Variants in CHD7 observed in about 807,000 individuals in gnomAD.
CHD7 encodes the protein chromodomain helicase DNA binding protein 7, also known as ATP-dependent chromatin remodeler CHD7.
A neutral mutation model predicts 307.3 loss-of-function variants in CHD7; 24 were observed. The observed-to-expected ratio is 0.08, with a 90% CI of 0.06 to 0.11. CHD7 has a LOEUF of 0.11. Among genes scored for constraint, CHD7 ranks in the 10% least tolerant of loss-of-function variants. CHD7 has a pLI of 1.00. For synonymous variants in CHD7, 1,363 were observed against 1,349.9 expected, an observed-to-expected ratio of 1.01 and a Z score of -0.21; for missense variants, 3,106 against 3,727.1, an observed-to-expected ratio of 0.83 and a Z score of 4.34.
chr8:60,722,356 T>A (rs1807951006), intron 1 of CHD7, among the ~76,000 whole-genome samples: 1 of 152,236 alleles, frequency 6.6e-6, no homozygotes, highest in Non-Finnish European at 1.5e-5. Context: ...GTATTGTAGT[T>A]GAAAGGTCTT....
chr8:60,751,852 A>T (rs1043107228), intron 2 of CHD7, among the ~76,000 whole-genome samples: 1 of 152,200 alleles, frequency 6.6e-6, no homozygotes, highest in Non-Finnish European at 1.5e-5. Context: ...CGTTGCATTT[A>T]AAAAAGTCAA....
intron 35 of CHD7, 140 bp downstream of exon 35, chr8:60,861,265 T>TA: frequency 1.5e-6 from 1 of 649,996 alleles, no homozygotes; most frequent in Non-Finnish European, 2.6e-6. Context: ...TCCCAGGTCT[T>TA]TGTTGTTGAA....
At chr8:60,775,915 G>A (rs1000718555) in intron 2 of CHD7, among the ~76,000 whole-genome samples, 34 of 148,184 alleles carry the variant, frequency 2.3e-4, no homozygotes, top group African/African-American at 8.4e-4. Flanking sequence ...ATACCACCAC[G>A]CCCGGCTAAT....
chr8:60,834,163 C>T (rs1175521183), intron 15 of CHD7, among the ~76,000 whole-genome samples: 1 of 152,044 alleles, frequency 6.6e-6, no homozygotes, highest in African/African-American at 2.4e-5. Context: ...GCAAATTTGA[C>T]TGAATTATTT....
chr8:60,764,728 AC>A (rs911542689), intron 2 of CHD7, among the ~76,000 whole-genome samples: 1 of 152,170 alleles, frequency 6.6e-6, no homozygotes, highest in African/African-American at 2.4e-5. Context: ...AATCCCAGTT[AC>A]CATGTAGTGA....
chr8:60,832,169 GC>G (rs899191292), intron 15 of CHD7, among the ~76,000 whole-genome samples: 2 of 152,050 alleles, frequency 1.3e-5, no homozygotes, highest in Non-Finnish European at 2.9e-5. Flanking sequence ...CTACAGGCAT[GC>G]GCCACAACGC....
chr8:60,779,385 A>G (rs1811098014), intron 2 of CHD7, among the ~76,000 whole-genome samples: 1 of 152,208 alleles, frequency 6.6e-6, no homozygotes, highest in Non-Finnish European at 1.5e-5. Context: ...GAAGAGGTGG[A>G]CAGAATCAGA....
intron 8 of CHD7, among the ~76,000 whole-genome samples, chr8:60,818,116 C>T (rs1803834074): frequency 6.6e-6 from 1 of 152,208 alleles, no homozygotes; most frequent in African/African-American, 2.4e-5. Flanking sequence ...CTTCCTCCCT[C>T]TCTTTTATAC....
At chr8:60,815,470 A>T (rs192511939) in intron 7 of CHD7, among the ~76,000 whole-genome samples, 76 of 152,320 alleles carry the variant, frequency 5.0e-4, no homozygotes, top group Middle Eastern at 3.4e-3. Context: ...GGAGAGGGTG[A>T]TGGGACAAAA....
At position 60,855,955 on chromosome 8, in the gene CHD7, G is replaced by A. The variant is rs1248738443; in HGVS notation, c.6937-20G>A. On this transcript the variant is annotated intron_variant, in intron 32 of 37. Coordinates refer to ENST00000423902, the MANE Select transcript of CHD7 (RefSeq NM_017780.4). ...CCAGGGCTTTGTTAAAATTTCTTGT[G>A]ACTTTTCTTCTCCCTCCAGGATAGA... 6.5e-7 allele frequency: 1 copy of A among 1,533,096 alleles called. No individual in the cohort carries two copies. The highest frequency in any genetic ancestry group is 1.2e-5 in the South Asian group (1 of 85,036). The allele number at this position is 1,533,096 out of a possible 1,614,324, so 95.0% of individuals were successfully genotyped here. A position where few individuals can be genotyped will look rare whatever the true frequency, so the allele number is the denominator to read the frequency against.
At chr8:60,726,905 G>A (rs1375700504) in intron 1 of CHD7, among the ~76,000 whole-genome samples, 2 of 152,128 alleles carry the variant, frequency 1.3e-5, no homozygotes, top group African/African-American at 4.8e-5. Context: ...TCTCTTCAGA[G>A]AGATTTCCTT....
intron 37 of CHD7, 136 bp from the exon 38 acceptor site, chr8:60,864,880 A>G: frequency 2.3e-6 from 2 of 858,598 alleles, no homozygotes; most frequent in Middle Eastern, 2.5e-4. Context: ...ATTAAGTTTT[A>G]TCATTGAGCT....
At position 60,741,832 on chromosome 8, in the gene CHD7, C is replaced by A; in HGVS notation, c.400C>A (p.His134Asn). 11 of 1,613,906 alleles carry A rather than the reference C, an allele frequency of 6.8e-6. No homozygotes were observed. Among genetic ancestry groups the A allele is most frequent in the Non-Finnish European group, 8.5e-6 (10 of 1,179,866 alleles). ...GVYPGMQNER[H>N]GQSFVDSSSM... is the part of the protein sequence containing the mutation. ...CTACCCTGGCATGCAGAATGAGAGG[C>A]ATGGGCAATCCTTTGTGGACAGCAG... The change falls in exon 2 of 38, where the codon CAT becomes AAT. Residue 134 changes from histidine to asparagine, a missense_variant. His to Asn is a moderately conservative substitution (Grantham distance 68). This residue lies in a region of CHD7 where 998 missense variants were observed against 1,004.5 expected (regional missense o/e 0.99). Transcript: ENST00000423902.
chr8:60,822,423 A>G lies in CHD7; in HGVS notation c.2958-80A>G, dbSNP rs546444407. ...CTTTGGGTATGCATTTGTGGGTACA[A>G]TGGTATATATTTTGTGAAATGACAG... On this transcript the variant is annotated intron_variant, in intron 11 of 37. Coordinates refer to ENST00000423902, the MANE Select transcript of CHD7 (RefSeq NM_017780.4). 222 of 1,369,634 alleles carry G rather than the reference A, an allele frequency of 1.6e-4. 3 individuals are homozygous for G. The South Asian group carries it at 2.0e-3, about 12-fold the overall frequency. The allele number at this position is 1,369,634 out of a possible 1,614,324, so 84.8% of individuals were successfully genotyped here.
chr8:60,718,785 CCACTCACT>C (rs140849935), intron 1 of CHD7, among the ~76,000 whole-genome samples: 6 of 151,994 alleles, frequency 3.9e-5, no homozygotes, highest in African/African-American at 1.5e-4. Flanking sequence ...TATTCATTCA[CCACTCACT>C]CACTCACTCA....
chr8:60,806,108 A>T (rs560950021), intron 6 of CHD7, among the ~76,000 whole-genome samples: 1 of 152,134 alleles, frequency 6.6e-6, no homozygotes, highest in Non-Finnish European at 1.5e-5. Flanking sequence ...CAAGCCTGTA[A>T]TCCCAGTACT....
chr8:60,706,975 C>T (rs1563531449), intron 1 of CHD7, among the ~76,000 whole-genome samples: 2 of 152,126 alleles, frequency 1.3e-5, no homozygotes, highest in Admixed American at 6.5e-5. Flanking sequence ...CCTGCTCCCC[C>T]CACCCCACGA....
At chr8:60,790,521 C>G (rs779398980) in intron 3 of CHD7, among the ~76,000 whole-genome samples, 1 of 152,178 alleles carries the variant, frequency 6.6e-6, no homozygotes, top group Non-Finnish European at 1.5e-5. Context: ...ATAGGCGTTT[C>G]ATCAAGGTTG....
At chr8:60,779,319 C>T (rs1811094070) in intron 2 of CHD7, among the ~76,000 whole-genome samples, 1 of 152,098 alleles carries the variant, frequency 6.6e-6, no homozygotes, top group African/African-American at 2.4e-5. Context: ...TACACCAGTG[C>T]AATTGAGTGA....
Sources: gnomAD v4.1 joint callset for allele counts (sites outside exome capture counted in the v4.1 genomes callset) on GRCh38, gnomAD v4.1.1 for gene constraint, gnomAD v4.1.1 regional missense constraint, MANE v1.5 for transcripts, NCBI Gene and HGNC (gene_info 2026-07-23, HGNC 2026-07-21) for gene names.